CDH13: variants seen among roughly 807,000 people sequenced by gnomAD.
CDH13 encodes the protein cadherin-13.
CDH13 carries 24 observed loss-of-function variants against 63.8 expected under a neutral mutation model. The ratio of observed to expected loss-of-function variants is 0.38; its 90% CI spans 0.27 to 0.53. The LOEUF (loss-of-function observed/expected upper bound fraction) is 0.53. Ranked by LOEUF, CDH13 falls within the 20% of genes least tolerant of loss-of-function variation. The pLI, the probability that CDH13 is intolerant of heterozygous loss-of-function variation, is 0.85. For missense variants in CDH13, 1,049 were observed against 903.1 expected (o/e 1.16, Z -2.07); for synonymous variants, 503 against 355.3 (o/e 1.42, Z -4.67).
intron 1 of CDH13, among the ~76,000 whole-genome samples, chr16:82,817,849 G>C (rs781597717): frequency 6.6e-6 from 1 of 152,054 alleles, no homozygotes; most frequent in Admixed American, 6.6e-5. Flanking sequence ...ATAAAAGCAT[G>C]CACGCATGCA....
At chr16:82,941,326 G>A (rs1279848797) in intron 2 of CDH13, among the ~76,000 whole-genome samples, 4 of 152,170 alleles carry the variant, frequency 2.6e-5, no homozygotes, top group Non-Finnish European at 5.9e-5. Context: ...AATCTAGATA[G>A]CGTTGGACCA....
At chr16:82,863,674 T>G (rs986283920) in intron 2 of CDH13, among the ~76,000 whole-genome samples, 10 of 152,202 alleles carry the variant, frequency 6.6e-5, no homozygotes, top group African/African-American at 2.4e-4. Flanking sequence ...TCCTTATAAT[T>G]TCTGCTGTTA....
At position 82,711,769 on chromosome 16, in the gene CDH13, C is replaced by T. The variant is rs553562813; in HGVS notation, c.45+84632C>T. Among the ~76,000 whole-genome samples the T allele has an allele frequency of 6.0e-4, 91 of 152,298 alleles. 1 individual carries two copies. Among genetic ancestry groups the T allele is most frequent in the African/African-American group, 2.1e-3 (87 of 41,578 alleles). ...CTAAAGTTCAGACACTCAGGAAATACCCCACGGTGATAAGGACAACCGGTG... is the reference window on the plus strand; with the variant it reads ...CTAAAGTTCAGACACTCAGGAAATATCCCACGGTGATAAGGACAACCGGTG... On this transcript the variant is annotated intron_variant, in intron 1 of 13. Coordinates refer to ENST00000567109, the MANE Select transcript of CDH13 (RefSeq NM_001257.5).
At chr16:83,596,733 G>A (rs897945155) in intron 7 of CDH13, among the ~76,000 whole-genome samples, 6 of 152,294 alleles carry the variant, frequency 3.9e-5, no homozygotes, top group East Asian at 1.9e-4. Flanking sequence ...TCATGTATGA[G>A]CAAGGGAGTT....
intron 7 of CDH13, among the ~76,000 whole-genome samples, chr16:83,583,817 T>C (rs145466403): frequency 6.6e-5 from 10 of 151,576 alleles, no homozygotes; most frequent in Non-Finnish European, 1.0e-4. Context: ...CTCCAGAAGC[T>C]GAGGCAGAAG....
intron 1 of CDH13, among the ~76,000 whole-genome samples, chr16:82,698,821 A>G (rs2030648981): frequency 6.6e-6 from 1 of 152,176 alleles, no homozygotes; most frequent in Non-Finnish European, 1.5e-5. Context: ...GTTCACACAC[A>G]TTGCCTTTAA....
In CDH13 at chr16:82,803,343, T is replaced by C. The variant is rs11863887; in HGVS notation, c.46-55019T>C. 4.1e-3 allele frequency among the ~76,000 whole-genome samples: 621 copies of C among 152,322 alleles called. 12 individuals carry two copies. Among genetic ancestry groups the C allele is most frequent in the African/African-American group, 0.014 (575 of 41,576 alleles). The stretch of plus-strand genomic sequence containing the variant: ...AAGTTCATTCTTATTTATTGGGCCT[T>C]CTTTATCTCAGAATTCAGGAAGGGG... On this transcript the variant is annotated intron_variant, in intron 1 of 13. Transcript: ENST00000567109.
chr16:82,759,289 C>G (rs956318797), intron 1 of CDH13, among the ~76,000 whole-genome samples: 1 of 152,158 alleles, frequency 6.6e-6, no homozygotes, highest in Admixed American at 6.5e-5. Flanking sequence ...ACTTGTACTT[C>G]CCAAATATAT....
chr16:83,279,550 A>G (rs2089097784), intron 5 of CDH13, among the ~76,000 whole-genome samples: 1 of 152,198 alleles, frequency 6.6e-6, no homozygotes, highest in South Asian at 2.1e-4. Context: ...ATCTCACCTT[A>G]AAGGTCAGGG....
intron 7 of CDH13, among the ~76,000 whole-genome samples, chr16:83,593,908 C>T (rs982298785): frequency 6.6e-6 from 1 of 152,182 alleles, no homozygotes; most frequent in African/African-American, 2.4e-5. Flanking sequence ...AAACGGTACT[C>T]ATTATCTATT....
intron 3 of CDH13, among the ~76,000 whole-genome samples, chr16:83,106,408 G>A (rs1481432007): frequency 6.6e-6 from 1 of 152,200 alleles, no homozygotes; most frequent in Admixed American, 6.5e-5. Flanking sequence ...GGGCATGGTG[G>A]CATGTGCCTG....
At chr16:82,921,762 A>G (rs1303293649) in intron 2 of CDH13, among the ~76,000 whole-genome samples, 1 of 152,194 alleles carries the variant, frequency 6.6e-6, no homozygotes, top group African/African-American at 2.4e-5. Flanking sequence ...GTGGCCTCAT[A>G]GAATGAGTTG....
At chr16:83,251,025 C>T (rs1377662890) in intron 5 of CDH13, among the ~76,000 whole-genome samples, 1 of 151,932 alleles carries the variant, frequency 6.6e-6, no homozygotes, top group East Asian at 1.9e-4. Flanking sequence ...TCCTCATCCC[C>T]CAGCCAACCT....
chr16:83,247,848 G>A (rs1905119934), intron 5 of CDH13, among the ~76,000 whole-genome samples: 1 of 152,138 alleles, frequency 6.6e-6, no homozygotes, highest in African/African-American at 2.4e-5. Context: ...TGAGTCAGAG[G>A]CACAGAACAA....
intron 4 of CDH13, among the ~76,000 whole-genome samples, chr16:83,166,753 A>C (rs1243532861): frequency 6.6e-6 from 1 of 152,166 alleles, no homozygotes; most frequent in African/African-American, 2.4e-5. Context: ...ACTATTTTCT[A>C]ATTCAGATTT....
intron 2 of CDH13, among the ~76,000 whole-genome samples, chr16:82,987,042 G>A (rs1239526708): frequency 6.6e-6 from 1 of 152,160 alleles, no homozygotes; most frequent in Non-Finnish European, 1.5e-5. Context: ...AAGCATTCAG[G>A]AAGGTGCCTC....
intron 5 of CDH13, among the ~76,000 whole-genome samples, chr16:83,229,546 A>G (rs1287112869): frequency 6.6e-6 from 1 of 151,934 alleles, no homozygotes; most frequent in Non-Finnish European, 1.5e-5. Context: ...AAAATTTATT[A>G]AACACAGTTG....
At chr16:82,788,215 C>G (rs1175909427) in intron 1 of CDH13, among the ~76,000 whole-genome samples, 1 of 152,170 alleles carries the variant, frequency 6.6e-6, no homozygotes, top group South Asian at 2.1e-4. Context: ...GTCCTCTGCA[C>G]AGGCGTTGTA....
At chr16:83,552,747 G>T (rs1410307583) in intron 7 of CDH13, among the ~76,000 whole-genome samples, 1 of 152,178 alleles carries the variant, frequency 6.6e-6, no homozygotes, top group Non-Finnish European at 1.5e-5. Flanking sequence ...CATTTCAGGG[G>T]AAAGATTAGA....
Sources: gnomAD v4.1 joint callset for allele counts (sites outside exome capture counted in the v4.1 genomes callset) on GRCh38, gnomAD v4.1.1 for gene constraint, MANE v1.5 for transcripts, NCBI Gene and HGNC (gene_info 2026-07-23, HGNC 2026-07-21) for gene names.